TCHP: variants seen among roughly 807,000 people sequenced by gnomAD.
TCHP encodes the protein trichoplein keratin filament binding.
In TCHP, 81 loss-of-function variants were observed where a neutral mutation model predicts 88.7. That is an observed-to-expected ratio of 0.91 (90% CI 0.76 to 1.10). TCHP has a LOEUF of 1.10. Among genes scored for constraint, TCHP ranks in the 50% least tolerant of loss-of-function variants. The pLI, the probability that TCHP is intolerant of heterozygous loss-of-function variation, is 0.00. For synonymous variants in TCHP, 232 were observed against 232.5 expected (o/e 1.00, Z 0.02); for missense variants, 641 against 632.1 (o/e 1.01, Z -0.15).
In TCHP at chr12:109,906,566, C is replaced by T. The variant is rs1263562869; in HGVS notation, c.457-6C>T. On this transcript the variant is annotated splice_region_variant and splice_polypyrimidine_tract_variant and intron_variant, in intron 4 of 12. Coordinates refer to ENST00000405876, the MANE Select transcript of TCHP (RefSeq NM_001143852.2). ...GAAATTCACATCGTCCCCCTTCCAT[C>T]CTCAGATGGAGCTGGACCTTCACCA... 6.2e-7 allele frequency: 1 copy of T among 1,613,082 alleles called. No homozygotes were observed. Among genetic ancestry groups the T allele is most frequent in the Non-Finnish European group, 8.5e-7 (1 of 1,179,738 alleles).
At chr12:109,899,798 ATT>A (rs930739865), upstream of TCHP, among the ~76,000 whole-genome samples, 1 of 151,626 alleles carries the variant, frequency 6.6e-6, no homozygotes, top group Non-Finnish European at 1.5e-5. Context: ...AGGTATCTGG[ATT>A]TTTTCTTCTT....
At chr12:109,912,760 T>G (rs7294929) in intron 9 of TCHP, among the ~76,000 whole-genome samples, 10,657 of 152,182 alleles carry the variant, frequency 0.07, 610 homozygotes, top group African/African-American at 0.15. Context: ...CACTGCACTC[T>G]AGCCTGGGCA....
chr12:109,906,559 C>G lies in TCHP; in HGVS notation c.457-13C>G, dbSNP rs202080121. On this transcript the variant is annotated splice_polypyrimidine_tract_variant and intron_variant, in intron 4 of 12. Coordinates refer to ENST00000405876, the MANE Select transcript of TCHP (RefSeq NM_001143852.2). ...TGGTGAGGAAATTCACATCGTCCCC[C>G]TTCCATCCTCAGATGGAGCTGGACC... 5.0e-6 allele frequency: 8 copies of G among 1,612,014 alleles called. No individual in the cohort carries two copies. The highest frequency in any genetic ancestry group is 6.8e-6 in the Non-Finnish European group (8 of 1,178,862).
At chr12:109,908,088 T>C (rs1870249750) in intron 6 of TCHP, among the ~76,000 whole-genome samples, 1 of 152,176 alleles carries the variant, frequency 6.6e-6, no homozygotes, top group Admixed American at 6.5e-5. Flanking sequence ...GGGTTTTTGG[T>C]CCAGGGGCTG....
At chr12:109,886,695 GA>G in the TCHP span, among the ~76,000 whole-genome samples, 2 of 151,810 alleles carry the variant, frequency 1.3e-5, no homozygotes, top group African/African-American at 4.8e-5. Context: ...TTTTTTGGGA[GA>G]TTTTTTTGTT....
chr12:109,913,800 T>C (rs980962288), intron 10 of TCHP, among the ~76,000 whole-genome samples: 2 of 152,224 alleles, frequency 1.3e-5, no homozygotes, highest in Non-Finnish European at 2.9e-5. Context: ...TGGGTCGTGA[T>C]TGGTGATGTT....
Position 109,916,716 on chromosome 12 carries a change from T to C in TCHP, c.*93T>C. The stretch of plus-strand genomic sequence containing the variant: ...TTTACAGGGCTCTGTTAACAGTAAG[T>C]GCCCGGGGCACTGTCAGATGGCTCA... On this transcript the variant is annotated 3_prime_UTR_variant, in exon 13 of 13. Coordinates refer to ENST00000405876, the MANE Select transcript of TCHP (RefSeq NM_001143852.2). The C allele has an allele frequency of 4.0e-6, 5 of 1,253,700 alleles. No individual in the cohort carries two copies. The highest frequency in any genetic ancestry group is 4.5e-6 in the Non-Finnish European group (4 of 883,324). The allele number at this position is 1,253,700 out of a possible 1,614,324, so 77.7% of individuals were successfully genotyped here. A position where few individuals can be genotyped will look rare whatever the true frequency, so the allele number is the denominator to read the frequency against.
chr12:109,881,772 C>G, the TCHP span, among the ~76,000 whole-genome samples: 1 of 152,218 alleles, frequency 6.6e-6, no homozygotes, highest in African/African-American at 2.4e-5. Context: ...CTTCTCACAC[C>G]TTGAATCACA....
chr12:109,893,449 G>C, the TCHP span, among the ~76,000 whole-genome samples: 2 of 152,018 alleles, frequency 1.3e-5, no homozygotes. Context: ...ATTGCTCTTG[G>C]GCCCAGTCCC....
intron 4 of TCHP, 122 bp downstream of exon 4, chr12:109,904,915 G>A: frequency 1.2e-6 from 1 of 817,118 alleles, no homozygotes. Context: ...TGAGCCACCT[G>A]AAAAGAGCGC....
intron 8 of TCHP, 117 bp downstream of exon 8, chr12:109,909,054 A>G (rs1870332049): frequency 1.0e-6 from 1 of 965,668 alleles, no homozygotes; most frequent in Non-Finnish European, 1.6e-6. Flanking sequence ...GGTTGGGGGA[A>G]AGGGGAGATG....
chr12:109,914,406 A>T, intron 10 of TCHP, 36 bp from the exon 11 acceptor site: 2 of 1,578,562 alleles, frequency 1.3e-6, no homozygotes, highest in Admixed American at 1.7e-5. Context: ...GTTAGGGTCA[A>T]CCTCAAAGCT....
chr12:109,900,745 G>T (rs1326543582), intron 1 of TCHP: 3 of 152,230 alleles, frequency 2.0e-5, no homozygotes, highest in Admixed American at 2.0e-4. Context: ...TGTGAAGCTT[G>T]CCACGGTCTC....
chr12:109,882,813 C>T, the TCHP span, among the ~76,000 whole-genome samples: 1 of 151,602 alleles, frequency 6.6e-6, no homozygotes, highest in African/African-American at 2.4e-5. Context: ...TTTGCCACCA[C>T]GCCTGGCTAA....
At chr12:109,911,631 A>AG (rs1411108136) in intron 9 of TCHP, among the ~76,000 whole-genome samples, 3 of 150,780 alleles carry the variant, frequency 2.0e-5, no homozygotes, top group Non-Finnish European at 3.0e-5. Context: ...AAAAAAAAAA[A>AG]AAGAAGAAGA....
chr12:109,909,547 C>T (rs553958256), intron 8 of TCHP, among the ~76,000 whole-genome samples: 4 of 152,314 alleles, frequency 2.6e-5, no homozygotes, highest in Admixed American at 1.3e-4. Context: ...CGGCCAGGTG[C>T]GGTGGCTCCC....
At chr12:109,886,240 C>T in the TCHP span, among the ~76,000 whole-genome samples, 1 of 152,056 alleles carries the variant, frequency 6.6e-6, no homozygotes, top group Admixed American at 6.6e-5. Context: ...CAGGTTCAAT[C>T]GATTCTTCTG....
At chr12:109,884,734 C>G in the TCHP span, among the ~76,000 whole-genome samples, 1 of 152,132 alleles carries the variant, frequency 6.6e-6, no homozygotes, top group African/African-American at 2.4e-5. Context: ...CTCAAACTCA[C>G]ACAAAAGTTA....
upstream of TCHP, chr12:109,900,268 C>G (rs1289992265): frequency 1.3e-5 from 2 of 152,238 alleles, no homozygotes; most frequent in African/African-American, 4.8e-5. Context: ...GCCCTTGCGA[C>G]GCTCCGTCGT....
Sources: gnomAD v4.1 joint callset for allele counts (sites outside exome capture counted in the v4.1 genomes callset) on GRCh38, gnomAD v4.1.1 for gene constraint, MANE v1.5 for transcripts, NCBI Gene and HGNC (gene_info 2026-07-23, HGNC 2026-07-21) for gene names.